ST7: variants seen among roughly 807,000 people sequenced by gnomAD.
ST7 encodes the protein suppression of tumorigenicity 7, also known as suppressor of tumorigenicity 7 protein.
In ST7, 28 loss-of-function variants were observed where a neutral mutation model predicts 78.7. The ratio of observed to expected loss-of-function variants is 0.36; its 90% confidence interval spans 0.26 to 0.49. ST7 has a LOEUF of 0.49. ST7 is among the 20% of genes least tolerant of loss of function. ST7 has a pLI of 0.99. For missense variants in ST7, 418 were observed against 696.0 expected (o/e 0.60, Z 4.49); for synonymous variants, 247 against 249.6 (o/e 0.99, Z 0.10).
chr7:117,191,870 G>C (rs551588171), intron 12 of ST7: 3 of 152,136 alleles, frequency 2.0e-5, no homozygotes, highest in African/African-American at 7.2e-5. Flanking sequence ...GCAAAAGGGT[G>C]GGGGGGTATG....
chr7:117,070,811 G>A (rs2116506926), intron 1 of ST7, among the ~76,000 whole-genome samples: 1 of 152,150 alleles, frequency 6.6e-6, no homozygotes, highest in African/African-American at 2.4e-5. Context: ...CCAAAGTGCT[G>A]GGATTATAGG....
intron 13 of ST7, among the ~76,000 whole-genome samples, chr7:117,213,916 A>T (rs1792484557): frequency 6.6e-6 from 1 of 152,234 alleles, no homozygotes; most frequent in Non-Finnish European, 1.5e-5. Flanking sequence ...TGAGTTGAAC[A>T]TAAAAAACAT....
At chr7:117,061,372 G>T (rs1798344844) in intron 1 of ST7, among the ~76,000 whole-genome samples, 1 of 152,086 alleles carries the variant, frequency 6.6e-6, no homozygotes, top group Non-Finnish European at 1.5e-5. Context: ...CCTTCTCACT[G>T]GCCAGCCTGC....
chr7:116,979,301 T>C lies in ST7; in HGVS notation c.151+25610T>C, dbSNP rs1037670315. On this transcript the variant is annotated intron_variant, in intron 1 of 15. Transcript: ENST00000323984. ...ATTTTCTCTGACTCATTGAAATATTTTTTTGTTTCACTGTCTCTTTTCCTA... is the reference window on the plus strand; with the variant it reads ...ATTTTCTCTGACTCATTGAAATATTCTTTTGTTTCACTGTCTCTTTTCCTA... Among the ~76,000 whole-genome samples, 30 of 152,348 alleles carry C rather than the reference T, an allele frequency of 2.0e-4. 2 individuals carry two copies. Among genetic ancestry groups the C allele is most frequent in the Admixed American group, 1.6e-3 (25 of 15,308 alleles).
intron 1 of ST7, among the ~76,000 whole-genome samples, chr7:117,033,237 A>C (rs573573071): frequency 6.6e-6 from 1 of 152,352 alleles, no homozygotes; most frequent in South Asian, 2.1e-4. Context: ...ACAAGCTAGA[A>C]TAGAAATGGC....
chr7:116,977,754 A>T (rs1793769134), intron 1 of ST7, among the ~76,000 whole-genome samples: 2 of 152,068 alleles, frequency 1.3e-5, no homozygotes, highest in African/African-American at 2.4e-5. Context: ...GAGTTTCACC[A>T]TGTTGGTCAG....
At chr7:117,224,372 C>T (rs1793307283) in intron 15 of ST7, among the ~76,000 whole-genome samples, 1 of 152,124 alleles carries the variant, frequency 6.6e-6, no homozygotes, top group African/African-American at 2.4e-5. Context: ...CATTATCACC[C>T]ATATTGCTGC....
intron 12 of ST7, among the ~76,000 whole-genome samples, chr7:117,205,894 CA>C (rs1791707504): frequency 6.6e-6 from 1 of 152,226 alleles, no homozygotes; most frequent in South Asian, 2.1e-4. Flanking sequence ...TATAGATGGA[CA>C]AAGCGTGTTC....
At chr7:117,079,147 A>G (rs1005403066) in intron 1 of ST7, among the ~76,000 whole-genome samples, 16 of 152,106 alleles carry the variant, frequency 1.1e-4, no homozygotes, top group African/African-American at 3.9e-4. Context: ...TTTACTCATT[A>G]CTCCCTAAAC....
intron 1 of ST7, among the ~76,000 whole-genome samples, chr7:117,041,987 G>A (rs1056619682): frequency 6.6e-6 from 1 of 152,200 alleles, no homozygotes; most frequent in Non-Finnish European, 1.5e-5. Flanking sequence ...AACTCAACCT[G>A]CCTTTGCTGG....
chr7:117,096,550 T>A (rs1447254839), intron 1 of ST7, among the ~76,000 whole-genome samples: 1 of 152,242 alleles, frequency 6.6e-6, no homozygotes, highest in East Asian at 1.9e-4. Flanking sequence ...GTGTCCCCTG[T>A]GATGCTAAAA....
At chr7:116,998,560 C>G (rs1449691843) in intron 1 of ST7, among the ~76,000 whole-genome samples, 1 of 152,260 alleles carries the variant, frequency 6.6e-6, no homozygotes, top group Non-Finnish European at 1.5e-5. Context: ...TGTCACCTCT[C>G]AGAATGAGGA....
chr7:117,172,715 G>A (rs975634754), intron 10 of ST7, among the ~76,000 whole-genome samples: 1 of 152,160 alleles, frequency 6.6e-6, no homozygotes, highest in African/African-American at 2.4e-5. Context: ...CAGTCCCATG[G>A]CCATGGGTTC....
intron 1 of ST7, among the ~76,000 whole-genome samples, chr7:117,058,801 A>G (rs926603482): frequency 2.0e-4 from 30 of 152,338 alleles, no homozygotes; most frequent in African/African-American, 6.0e-4. Flanking sequence ...CTAAGTATCC[A>G]TTGACAGATA....
chr7:117,167,863 G>T (rs1807692017), intron 9 of ST7, among the ~76,000 whole-genome samples: 2 of 152,114 alleles, frequency 1.3e-5, no homozygotes, highest in African/African-American at 4.8e-5. Flanking sequence ...AGGGCGGAGG[G>T]TGTCCACGGG....
intron 2 of ST7, chr7:117,112,426 A>C (rs1455832467): frequency 6.6e-6 from 1 of 152,074 alleles, no homozygotes; most frequent in Non-Finnish European, 1.5e-5. Flanking sequence ...TTATATTGCT[A>C]AGTAAAAACA....
At position 117,130,088 on chromosome 7, in the gene ST7, A is replaced by C. The variant is rs979299226; in HGVS notation, c.449+241A>C. Among the ~76,000 whole-genome samples, 4 of 151,902 alleles carry C rather than the reference A, an allele frequency of 2.6e-5. No individual in the cohort carries two copies. In the South Asian group the frequency reaches 8.3e-4, roughly 31 times the overall value. ...TTTGTATTAACAGTTATTCTTTTCA[A>C]TATATACTATACATTGAAAACATTT... On this transcript the variant is annotated intron_variant, in intron 4 of 15. Transcript: ENST00000323984.
chr7:117,033,694 G>A (rs1475740972), intron 1 of ST7, among the ~76,000 whole-genome samples: 3 of 152,154 alleles, frequency 2.0e-5, no homozygotes, highest in Non-Finnish European at 2.9e-5. Context: ...AAAGTGCTGG[G>A]ATTACAGGCG....
intron 12 of ST7, among the ~76,000 whole-genome samples, chr7:117,205,162 C>G (rs772559326): frequency 6.6e-6 from 1 of 152,190 alleles, no homozygotes; most frequent in Non-Finnish European, 1.5e-5. Context: ...CCACCATGAA[C>G]ATTCAACCTG....
Sources: allele counts gnomAD v4.1 joint callset (sites outside exome capture counted in the v4.1 genomes callset), GRCh38; gene constraint gnomAD v4.1.1; transcripts MANE v1.5; gene names NCBI Gene and HGNC (gene_info 2026-07-23, HGNC 2026-07-21).